Variants in ZMYM6 observed in about 807,000 individuals in gnomAD.
ZMYM6 encodes zinc finger MYM-type protein 6.
ZMYM6 carries 90 observed loss-of-function variants against 134.0 expected under a neutral mutation model. That is an observed-to-expected ratio of 0.67 (90% CI 0.57 to 0.80). The LOEUF (loss-of-function observed/expected upper bound fraction) is 0.80, where lower values mean the gene tolerates loss of function less well. ZMYM6 is among the 30% of genes least tolerant of loss of function. The probability of loss-of-function intolerance (pLI) is 0.00; values close to 1 mark genes in which losing one functional copy is unlikely to be tolerated. For synonymous variants in ZMYM6, 481 were observed against 524.1 expected, an observed-to-expected ratio of 0.92 and a Z score of 1.12; for missense variants, 1,362 against 1,533.9, an observed-to-expected ratio of 0.89 and a Z score of 1.87.
intron 3 of ZMYM6, 41 bp downstream of exon 3, chr1:35,020,342 G>A: frequency 2.6e-6 from 4 of 1,527,456 alleles, no homozygotes; most frequent in Non-Finnish European, 2.7e-6. Flanking sequence ...GTCAGAATAA[G>A]CAAATTAATT....
Position 34,992,420 on chromosome 1 carries a change from G to T in ZMYM6, c.1993-33C>A, listed in dbSNP as rs200729576. On this transcript the variant is annotated intron_variant, in intron 14 of 15. Coordinates refer to ENST00000357182, the MANE Select transcript of ZMYM6 (RefSeq NM_007167.4). ...AAAGCAAATTCAGAAACCAAAGAAA[G>T]ATTTTTTTTAGTACCTTATCACTGA... The T allele has an allele frequency of 1.4e-4, 230 of 1,602,526 alleles. 4 individuals carry two copies. In the South Asian group the frequency reaches 2.4e-3, roughly 17 times the overall value.
Position 35,012,540 on chromosome 1 carries a change from C to T in ZMYM6, c.837G>A (p.Leu279=), listed in dbSNP as rs1363870160. The change falls in exon 7 of 16, where the codon TTG becomes TTA. Residue 279 remains leucine, a synonymous_variant. Transcript: ENST00000357182. ...QIPPYALGKS[L]RPSAEMIETT... The stretch of plus-strand genomic sequence containing the variant: ...TCTCAATCATTTCAGCTGAGGGCCT[C>T]AATGACTTCCCCAGGGCATATGGAG... The T allele has an allele frequency of 6.2e-7, 1 of 1,613,366 alleles. No homozygotes were observed. The highest frequency in any genetic ancestry group is 1.3e-5 in the African/African-American group (1 of 74,890).
chr1:35,020,317 C>A, intron 3 of ZMYM6, 66 bp downstream of exon 3: 1 of 1,402,366 alleles, frequency 7.1e-7, no homozygotes, highest in South Asian at 1.3e-5. Flanking sequence ...AAGATGCTTT[C>A]CCTCAATTTT....
chr1:35,019,299 A>AATATACACAT (rs1479678419), intron 4 of ZMYM6, 54 bp downstream of exon 4: 1 of 1,610,600 alleles, frequency 6.2e-7, no homozygotes, highest in Non-Finnish European at 8.5e-7. Context: ...TGAACTAAAC[A>AATATACACAT]ATATACACAC....
Position 34,995,046 on chromosome 1 carries a change from TTACA to T in ZMYM6, c.1993-2663_1993-2660del, listed in dbSNP as rs770756911. Among the ~76,000 whole-genome samples, 28 of 129,534 alleles carry T rather than the reference TTACA, an allele frequency of 2.2e-4. 1 individual carries two copies. Among genetic ancestry groups the T allele is most frequent in the South Asian group, 7.4e-4 (3 of 4,030 alleles). The allele number at this position is 129,534 out of a possible 152,430, so 85.0% of individuals were successfully genotyped here. A position where few individuals can be genotyped will look rare whatever the true frequency, so the allele number is the denominator to read the frequency against. ...ACGTATATATATGTAATATATATACTTACATACGTATATATATGTAATATATATA... is the reference window on the plus strand; with the variant it reads ...ACGTATATATATGTAATATATATACTTACGTATATATATGTAATATATATA... On this transcript the variant is annotated intron_variant, in intron 14 of 15. Coordinates refer to ENST00000357182, the MANE Select transcript of ZMYM6 (RefSeq NM_007167.4).
At chr1:35,020,073 C>T (rs983836862) in intron 3 of ZMYM6, among the ~76,000 whole-genome samples, 1 of 152,016 alleles carries the variant, frequency 6.6e-6, no homozygotes, top group African/African-American at 2.4e-5. Flanking sequence ...CATTACTCAA[C>T]GCAAGAAATA....
chr1:34,999,222 G>C (rs112822817), intron 14 of ZMYM6, among the ~76,000 whole-genome samples: 9 of 152,304 alleles, frequency 5.9e-5, no homozygotes, highest in African/African-American at 2.2e-4. Flanking sequence ...CAAGAAAGGA[G>C]GAAAGAGTGA....
intron 2 of ZMYM6, among the ~76,000 whole-genome samples, chr1:35,024,699 T>C (rs1308187032): frequency 6.6e-6 from 1 of 152,156 alleles, no homozygotes; most frequent in Non-Finnish European, 1.5e-5. Context: ...ATGACGTGGC[T>C]ATTTTCTCTG....
At chr1:35,008,981 A>G in intron 10 of ZMYM6, 57 bp from the exon 11 acceptor site, 2 of 1,545,372 alleles carry the variant, frequency 1.3e-6, no homozygotes, top group Non-Finnish European at 1.8e-6. Flanking sequence ...CTGAGGAGGT[A>G]TAATAAGTTT....
Position 35,012,463 on chromosome 1 carries a change from G to A in ZMYM6, c.914C>T (p.Ser305Phe). Reference protein sequence around the residue: ...TELFCSINCLSAYRVKTVTSS... With the variant: ...TELFCSINCLFAYRVKTVTSS... ...AGTAACAGTCTTAACTCTGTAAGCA[G>A]ATAAGCAATTAATAGAGCAGAAAAG... is the stretch of plus-strand genomic sequence containing the variant. Residue 305 changes from serine to phenylalanine, a missense_variant, in exon 7 of 16, where the codon TCT becomes TTT. Around this residue, in one of 3 missense-constraint regions of ZMYM6, gnomAD observed 503 missense variants for 520.8 expected, o/e 0.97. Transcript: ENST00000357182. The A allele has an allele frequency of 6.2e-7, 1 of 1,605,406 alleles. No homozygotes were observed. The highest frequency in any genetic ancestry group is 8.5e-7 in the Non-Finnish European group (1 of 1,177,246).
intron 9 of ZMYM6, 53 bp from the exon 10 acceptor site, chr1:35,010,650 T>C (rs890913748): frequency 1.3e-6 from 2 of 1,557,630 alleles, no homozygotes; most frequent in Non-Finnish European, 1.7e-6. Context: ...GCTTTATCTT[T>C]AAGAACTCCT....
intron 4 of ZMYM6, among the ~76,000 whole-genome samples, chr1:35,016,412 T>A (rs1641189289): frequency 6.6e-6 from 1 of 152,076 alleles, no homozygotes; most frequent in Non-Finnish European, 1.5e-5. Flanking sequence ...CAAAAATAAT[T>A]GGGTGGTTCT....
intron 6 of ZMYM6, 196 bp from the exon 7 acceptor site, chr1:35,012,777 A>T: frequency 1.0e-6 from 1 of 985,380 alleles, no homozygotes; most frequent in Non-Finnish European, 1.2e-6. Flanking sequence ...GAAGAAAATT[A>T]GTAACTATTC....
chr1:35,016,191 C>T (rs1208105718), intron 4 of ZMYM6, among the ~76,000 whole-genome samples: 4 of 152,054 alleles, frequency 2.6e-5, no homozygotes, highest in East Asian at 1.9e-4. Flanking sequence ...CCTCGCGATC[C>T]GCCTGCGTCA....
intron 11 of ZMYM6, among the ~76,000 whole-genome samples, chr1:35,007,802 C>T (rs1641011853): frequency 6.8e-6 from 1 of 147,334 alleles, no homozygotes. Context: ...AGCAATAGAA[C>T]AAGATTCTGT....
intron 14 of ZMYM6, among the ~76,000 whole-genome samples, chr1:35,001,362 G>A (rs1276234996): frequency 6.9e-6 from 1 of 145,508 alleles, no homozygotes; most frequent in Non-Finnish European, 1.5e-5. Flanking sequence ...AAACTATTCT[G>A]TAACATAGTT....
intron 8 of ZMYM6, among the ~76,000 whole-genome samples, chr1:35,011,258 T>C (rs574708608): frequency 6.6e-6 from 1 of 152,132 alleles, no homozygotes; most frequent in African/African-American, 2.4e-5. Flanking sequence ...GACAAAGACC[T>C]CCAGTATATG....
At position 34,988,798 on chromosome 1, in the gene ZMYM6, T is replaced by C; in HGVS notation, c.2284A>G (p.Ser762Gly). The C allele has an allele frequency of 6.4e-6, 10 of 1,553,100 alleles. No individual in the cohort carries two copies. Among genetic ancestry groups the C allele is most frequent in the Non-Finnish European group, 7.8e-6 (9 of 1,147,678 alleles). Residue 762 changes from serine to glycine, a missense_variant, in exon 16 of 16, where the codon AGT becomes GGT. Physicochemically the swap from Ser to Gly is moderately conservative, Grantham distance 56. Transcript: ENST00000357182. The part of the protein sequence containing the change: ...GFIICPGSKE[S>G]SPRPQCVICG... Reference sequence around the variant, plus strand: ...ATGACACACTGTGGCCTTGGTGAACTTTCTTTTGATCCAGGACAGATAATA... The same window carrying C: ...ATGACACACTGTGGCCTTGGTGAACCTTCTTTTGATCCAGGACAGATAATA...
intron 6 of ZMYM6, 67 bp from the exon 7 acceptor site, chr1:35,012,648 T>A: frequency 6.4e-7 from 1 of 1,566,170 alleles, no homozygotes; most frequent in Non-Finnish European, 8.6e-7. Context: ...TTCAAAAAAG[T>A]AAAAAGAAAA....
Sources: allele counts gnomAD v4.1 joint callset (sites outside exome capture counted in the v4.1 genomes callset), GRCh38; gene constraint gnomAD v4.1.1; regional missense constraint gnomAD v4.1.1; transcripts MANE v1.5; gene names NCBI Gene and HGNC (gene_info 2026-07-23, HGNC 2026-07-21).